The following MDFIC2 variants were observed in gnomAD, a reference collection of about 807,000 sequenced individuals.
MDFIC2 encodes myoD family inhibitor domain-containing protein 2.
At chr3:70,275,831 T>C (rs1312021113) in intron 2 of MDFIC2, among the ~76,000 whole-genome samples, 1 of 152,212 alleles carries the variant, frequency 6.6e-6, no homozygotes, top group African/African-American at 2.4e-5. Flanking sequence ...AAATAAGAAC[T>C]TTTCTGCTAA....
At chr3:70,267,929 C>T (rs1701935719) in intron 2 of MDFIC2, among the ~76,000 whole-genome samples, 1 of 151,282 alleles carries the variant, frequency 6.6e-6, no homozygotes, top group Non-Finnish European at 1.5e-5. Context: ...TCCTTTTCTT[C>T]CCATCCCCTT....
chr3:70,281,003 A>G (rs1298316559), intron 2 of MDFIC2, among the ~76,000 whole-genome samples: 1 of 152,202 alleles, frequency 6.6e-6, no homozygotes, highest in Non-Finnish European at 1.5e-5. Flanking sequence ...AAACTTACGT[A>G]TAAAAAAATG....
At chr3:70,220,820 T>A (rs1576160029) in intron 2 of MDFIC2, among the ~76,000 whole-genome samples, 1 of 152,076 alleles carries the variant, frequency 6.6e-6, no homozygotes, top group African/African-American at 2.4e-5. Context: ...CAAAAGAAGG[T>A]CATTTCCTTT....
intron 2 of MDFIC2, among the ~76,000 whole-genome samples, chr3:70,211,229 TC>T (rs1464504988): frequency 1.3e-5 from 2 of 151,694 alleles, no homozygotes; most frequent in Admixed American, 6.6e-5. Flanking sequence ...TCCTTTCCTT[TC>T]CCTTTTTCCT....
chr3:70,235,116 T>C (rs1245983762), intron 2 of MDFIC2, among the ~76,000 whole-genome samples: 1 of 152,156 alleles, frequency 6.6e-6, no homozygotes, highest in Non-Finnish European at 1.5e-5. Flanking sequence ...CCAACCTCTA[T>C]TGGAGAAGAA....
chr3:70,243,900 T>A (rs922565102), intron 2 of MDFIC2, among the ~76,000 whole-genome samples: 12 of 152,158 alleles, frequency 7.9e-5, no homozygotes, highest in African/African-American at 2.9e-4. Context: ...CTGTAATAAT[T>A]GTCTATAGTT....
chr3:70,275,509 C>A (rs1444348729), intron 2 of MDFIC2, among the ~76,000 whole-genome samples: 1 of 152,030 alleles, frequency 6.6e-6, no homozygotes, highest in African/African-American at 2.4e-5. Context: ...AAAGCAAGAC[C>A]CTGTCTCAAA....
At chr3:70,208,138 A>T (rs1701309829) in intron 2 of MDFIC2, among the ~76,000 whole-genome samples, 1 of 152,086 alleles carries the variant, frequency 6.6e-6, no homozygotes, top group African/African-American at 2.4e-5. Context: ...CAGGCTGATG[A>T]TGCCCAGGAA....
At chr3:70,268,190 G>A (rs1231624841) in intron 2 of MDFIC2, among the ~76,000 whole-genome samples, 1 of 152,098 alleles carries the variant, frequency 6.6e-6, no homozygotes, top group Non-Finnish European at 1.5e-5. Context: ...ACATTCTCCG[G>A]CTGGGCGCGG....
chr3:70,246,627 A>G (rs1701710238), intron 2 of MDFIC2, among the ~76,000 whole-genome samples: 1 of 152,102 alleles, frequency 6.6e-6, no homozygotes, highest in Non-Finnish European at 1.5e-5. Context: ...ACTGAAACGT[A>G]TTTAAGGGGT....
intron 2 of MDFIC2, among the ~76,000 whole-genome samples, chr3:70,234,461 C>T (rs1263673816): frequency 2.6e-5 from 4 of 151,838 alleles, no homozygotes; most frequent in Non-Finnish European, 5.9e-5. Flanking sequence ...CCAGCCTGGG[C>T]AACATAACAA....
chr3:70,309,327 G>C (rs570074151), intron 2 of MDFIC2, among the ~76,000 whole-genome samples: 3 of 151,980 alleles, frequency 2.0e-5, no homozygotes, highest in Non-Finnish European at 4.4e-5. Flanking sequence ...ATTAAAAGGA[G>C]GAATTTATAT....
chr3:70,292,621 C>G (rs1702249436), intron 2 of MDFIC2, among the ~76,000 whole-genome samples: 1 of 151,974 alleles, frequency 6.6e-6, no homozygotes, highest in African/African-American at 2.4e-5. Flanking sequence ...ATGAGTTTTT[C>G]TCTATGAAAA....
chr3:70,219,612 T>A (rs1229797310), intron 2 of MDFIC2, among the ~76,000 whole-genome samples: 3 of 152,110 alleles, frequency 2.0e-5, no homozygotes, highest in African/African-American at 7.2e-5. Context: ...ACCAACAGAA[T>A]GGATCCAAAG....
intron 2 of MDFIC2, among the ~76,000 whole-genome samples, chr3:70,284,390 T>C (rs2106685159): frequency 6.6e-6 from 1 of 152,268 alleles, no homozygotes; most frequent in Non-Finnish European, 1.5e-5. Context: ...AAGACTCTAT[T>C]AAACTTTCTA....
intron 3 of MDFIC2, chr3:70,204,908 C>T (rs1358915430): frequency 6.6e-6 from 1 of 152,056 alleles, no homozygotes; most frequent in Non-Finnish European, 1.5e-5. Flanking sequence ...TGATGAGTAG[C>T]ATCCACACAC....
At chr3:70,233,016 C>A (rs965074009) in intron 2 of MDFIC2, among the ~76,000 whole-genome samples, 7 of 152,192 alleles carry the variant, frequency 4.6e-5, no homozygotes, top group African/African-American at 1.4e-4. Flanking sequence ...TGGTGAAATA[C>A]AGTCTCTACT....
chr3:70,277,392 T>G (rs561791317), intron 2 of MDFIC2, among the ~76,000 whole-genome samples: 1 of 152,206 alleles, frequency 6.6e-6, no homozygotes, highest in Non-Finnish European at 1.5e-5. Context: ...ACACAGGCAC[T>G]CTAATGATTA....
At chr3:70,203,638 G>T (rs773658797) in intron 3 of MDFIC2, among the ~76,000 whole-genome samples, 5 of 152,054 alleles carry the variant, frequency 3.3e-5, no homozygotes, top group Non-Finnish European at 7.4e-5. Context: ...GCATTTAATT[G>T]TATGAAATTT....
Sources: gnomAD v4.1 joint callset for allele counts (sites outside exome capture counted in the v4.1 genomes callset) on GRCh38, gnomAD v4.1.1 for gene constraint, MANE v1.5 for transcripts, NCBI Gene and HGNC (gene_info 2026-07-23, HGNC 2026-07-21) for gene names.